The following CNTLN variants were observed in gnomAD, a reference collection of about 807,000 sequenced individuals.
The protein encoded by CNTLN is centlein, centrosomal protein.
CNTLN carries 212 observed loss-of-function variants against 180.0 expected under a neutral mutation model. The observed-to-expected ratio is 1.18, with a 90% CI of 1.05 to 1.32. The LOEUF is 1.32. CNTLN is among the 40% of genes most tolerant of loss of function. The pLI, the probability that CNTLN is intolerant of heterozygous loss-of-function variation, is 0.00. For missense variants in CNTLN, 2,095 were observed against 1,610.9 expected, an observed-to-expected ratio of 1.30 and a Z score of -5.14; for synonymous variants, 722 against 563.1, an observed-to-expected ratio of 1.28 and a Z score of -3.99.
intron 1 of CNTLN, among the ~76,000 whole-genome samples, chr9:17,138,299 AT>A (rs1436703234): frequency 6.6e-6 from 1 of 152,232 alleles, no homozygotes; most frequent in African/African-American, 2.4e-5. Context: ...TATAGCATTT[AT>A]AAAGCTTATT....
At chr9:17,378,324 C>T (rs1050271600) in intron 13 of CNTLN, among the ~76,000 whole-genome samples, 1 of 152,094 alleles carries the variant, frequency 6.6e-6, no homozygotes, top group Non-Finnish European at 1.5e-5. Context: ...GGATTACAGG[C>T]ATGCACCACC....
chr9:17,416,487 C>A (rs1828262030), intron 18 of CNTLN, among the ~76,000 whole-genome samples: 1 of 152,116 alleles, frequency 6.6e-6, no homozygotes, highest in Non-Finnish European at 1.5e-5. Flanking sequence ...TATTGTGTTA[C>A]ATCTTAGTGT....
rs746744972 is a variant in CNTLN, at chr9:17,219,223, C to T, written c.450-6980C>T. 1.5e-4 allele frequency among the ~76,000 whole-genome samples: 23 copies of T among 151,094 alleles called. 1 individual carries two copies. The highest frequency in any genetic ancestry group is 2.7e-4 in the Non-Finnish European group (18 of 67,922). ...TCTCAGTCATTGATCATCATCAGCT[C>T]CTGGCAGTGTCTTTTTTTTTCTTTT... On this transcript the variant is annotated intron_variant, in intron 2 of 25. Transcript: ENST00000380647.
chr9:17,454,657 C>T (rs550798164), intron 18 of CNTLN, among the ~76,000 whole-genome samples: 5 of 152,298 alleles, frequency 3.3e-5, no homozygotes, highest in Admixed American at 2.0e-4. Context: ...TAATGCTGCA[C>T]GTTGAACATC....
chr9:17,484,494 A>G lies in CNTLN; in HGVS notation c.4041+14A>G. 1 of 1,567,388 alleles carries G rather than the reference A, an allele frequency of 6.4e-7. No homozygotes were observed. On this transcript the variant is annotated intron_variant, in intron 24 of 25. Coordinates refer to ENST00000380647, the MANE Select transcript of CNTLN (RefSeq NM_017738.4). ...GAAGATCAAGTGGTAAGATCATTTAAATATTTATTATTAAAGGGTTTATTA... is the reference window on the plus strand; with the variant it reads ...GAAGATCAAGTGGTAAGATCATTTAGATATTTATTATTAAAGGGTTTATTA...
At chr9:17,359,742 A>AC (rs1823187857) in intron 12 of CNTLN, among the ~76,000 whole-genome samples, 1 of 123,024 alleles carries the variant, frequency 8.1e-6, no homozygotes, top group African/African-American at 2.8e-5. Flanking sequence ...AAAAAAAAAA[A>AC]AAAAAAAACT....
chr9:17,152,932 G>T (rs1818993324), intron 2 of CNTLN, among the ~76,000 whole-genome samples: 1 of 152,068 alleles, frequency 6.6e-6, no homozygotes, highest in Non-Finnish European at 1.5e-5. Flanking sequence ...TGTCTCTTTT[G>T]ATCTTTGTTG....
chr9:17,207,126 A>G (rs1340841179), intron 2 of CNTLN, among the ~76,000 whole-genome samples: 1 of 152,148 alleles, frequency 6.6e-6, no homozygotes, highest in African/African-American at 2.4e-5. Flanking sequence ...TGAATCCTCC[A>G]TAGTCTGGTG....
At chr9:17,437,525 A>G (rs567276579) in intron 18 of CNTLN, among the ~76,000 whole-genome samples, 23 of 152,194 alleles carry the variant, frequency 1.5e-4, no homozygotes, top group Non-Finnish European at 2.8e-4. Context: ...ATCAATATCA[A>G]TGTTTCAGGA....
chr9:17,163,604 C>T (rs1819837404), intron 2 of CNTLN, among the ~76,000 whole-genome samples: 1 of 152,174 alleles, frequency 6.6e-6, no homozygotes, highest in Non-Finnish European at 1.5e-5. Flanking sequence ...GTGCTTATTA[C>T]AGTCGCTGGC....
intron 8 of CNTLN, among the ~76,000 whole-genome samples, chr9:17,312,302 T>G (rs1187065772): frequency 8.3e-5 from 12 of 144,232 alleles, no homozygotes; most frequent in Non-Finnish European, 1.8e-4. Context: ...CTAATCTACT[T>G]CCATTGTGGT....
intron 12 of CNTLN, among the ~76,000 whole-genome samples, chr9:17,345,020 T>C (rs10963050): frequency 0.29 from 44,417 of 152,056 alleles, 6,845 homozygotes; most frequent in South Asian, 0.52. Context: ...TTCCGCATAA[T>C]GTCTTTGAGA....
chr9:17,143,990 A>G (rs1818281271), intron 2 of CNTLN, among the ~76,000 whole-genome samples: 1 of 152,242 alleles, frequency 6.6e-6, no homozygotes, highest in African/African-American at 2.4e-5. Context: ...CACTTAGCAC[A>G]GCAATGAAAA....
chr9:17,221,940 T>G (rs1400486103), intron 2 of CNTLN, among the ~76,000 whole-genome samples: 2 of 151,988 alleles, frequency 1.3e-5, no homozygotes, highest in Non-Finnish European at 2.9e-5. Flanking sequence ...TTTTATTTCT[T>G]TGGAAGAACT....
intron 2 of CNTLN, among the ~76,000 whole-genome samples, chr9:17,186,898 T>G (rs924417642): frequency 1.3e-5 from 2 of 152,068 alleles, no homozygotes; most frequent in African/African-American, 2.4e-5. Context: ...ATTTTTTATA[T>G]GCAAAACTGA....
chr9:17,402,417 T>C (rs1203001300), intron 15 of CNTLN, among the ~76,000 whole-genome samples: 1 of 151,794 alleles, frequency 6.6e-6, no homozygotes, highest in East Asian at 1.9e-4. Context: ...GAGCTATCTA[T>C]ACCAAAAGAC....
chr9:17,342,573 GA>G (rs68056113), intron 12 of CNTLN, 129 bp downstream of exon 12: 224,557 of 783,504 alleles, frequency 0.29, 36,412 homozygotes, highest in South Asian at 0.5. Context: ...TAAAAGTAAA[GA>G]AAAAAAGACT....
At chr9:17,315,913 A>G (rs1172219883) in intron 8 of CNTLN, among the ~76,000 whole-genome samples, 2 of 151,898 alleles carry the variant, frequency 1.3e-5, no homozygotes, top group African/African-American at 4.8e-5. Flanking sequence ...AGAGATGTTG[A>G]ATTTTTCCAA....
chr9:17,495,613 GTTAAT>G lies in CNTLN; in HGVS notation c.4120-6934_4120-6930del, dbSNP rs377637124. 7.5e-3 allele frequency among the ~76,000 whole-genome samples: 1,145 copies of G among 152,214 alleles called. 9 individuals carry two copies. The highest frequency in any genetic ancestry group is 0.026 in the African/African-American group (1,097 of 41,548). On this transcript the variant is annotated intron_variant, in intron 25 of 25. Coordinates refer to ENST00000380647, the MANE Select transcript of CNTLN (RefSeq NM_017738.4). ...CAAAGTAAAGTTACAGTAAGCTAAAGTTAATTTATTATTGAAGAAAGAAAAAGGTT... is the reference window on the plus strand; with the variant it reads ...CAAAGTAAAGTTACAGTAAGCTAAAGTTATTATTGAAGAAAGAAAAAGGTT...
Sources: gnomAD v4.1 joint callset for allele counts (sites outside exome capture counted in the v4.1 genomes callset) on GRCh38, gnomAD v4.1.1 for gene constraint, MANE v1.5 for transcripts, NCBI Gene and HGNC (gene_info 2026-07-23, HGNC 2026-07-21) for gene names.